The following EBF1 variants were observed in gnomAD, a reference collection of about 807,000 sequenced individuals.
EBF1 encodes the protein EBF transcription factor 1.
In EBF1, 10 loss-of-function variants were observed where a neutral mutation model predicts 68.4. The observed-to-expected ratio is 0.15, with a 90% CI of 0.09 to 0.25. EBF1 has a LOEUF of 0.25. Among genes scored for constraint, EBF1 ranks in the 10% least tolerant of loss-of-function variants. EBF1 has a pLI of 1.00. For synonymous variants in EBF1, 298 were observed against 299.8 expected (o/e 0.99, Z 0.06); for missense variants, 509 against 794.4 (o/e 0.64, Z 4.32).
At position 158,712,144 on chromosome 5, in the gene EBF1, C is replaced by T. The variant is rs1759504080; in HGVS notation, c.1549+10G>A. 1.9e-6 allele frequency: 3 copies of T among 1,613,268 alleles called. No homozygotes were observed. The highest frequency in any genetic ancestry group is 2.5e-6 in the Non-Finnish European group (3 of 1,179,750). On this transcript the variant is annotated intron_variant, in intron 14 of 15. Transcript: ENST00000313708. The stretch of plus-strand genomic sequence containing the variant: ...ACGTGCAGGAACGCAGGATATGCAT[C>T]TCTACTTACTGGCATAGGGGGAGTT...
intron 10 of EBF1, among the ~76,000 whole-genome samples, chr5:158,764,530 A>C (rs1581687356): frequency 6.6e-6 from 1 of 152,330 alleles, no homozygotes; most frequent in Middle Eastern, 3.4e-3. Context: ...CTGTGAATAC[A>C]CTGGTTGAGA....
chr5:158,796,357 C>T lies in EBF1; in HGVS notation c.897G>A (p.Leu299=). Residue 299 remains leucine, a synonymous_variant, in exon 9 of 16, where the codon CTG becomes CTA. Transcript: ENST00000313708. ...AGACAACACCTACCTCACTCCAGAC[C>T]AGCATGGTACCGAATATGACCTGTA... is the stretch of plus-strand genomic sequence containing the variant. ...DGLQVIFGTM[L]VWSELITPHA... 1 of 1,612,138 alleles carries T rather than the reference C, an allele frequency of 6.2e-7. No homozygotes were observed. The highest frequency in any genetic ancestry group is 8.5e-7 in the Non-Finnish European group (1 of 1,178,916).
intron 7 of EBF1, among the ~76,000 whole-genome samples, chr5:158,836,392 A>G (rs1788809339): frequency 6.6e-6 from 1 of 152,178 alleles, no homozygotes; most frequent in Non-Finnish European, 1.5e-5. Context: ...AACAAACAGC[A>G]TCCCTTGTAG....
chr5:158,732,859 A>G (rs1764401544), intron 10 of EBF1, among the ~76,000 whole-genome samples: 1 of 152,200 alleles, frequency 6.6e-6, no homozygotes, highest in African/African-American at 2.4e-5. Context: ...TGCAAATATG[A>G]GATTTAGTTA....
rs371344722 is a variant in EBF1, at chr5:158,955,775, G to A, written c.555-115665C>T. On this transcript the variant is annotated intron_variant, in intron 6 of 15. Transcript: ENST00000313708. ...TATCAAATTACTGCTGGCTGTTTCC[G>A]AAACTCAGATCAACCCTCAAAGAGT... 7.2e-5 allele frequency among the ~76,000 whole-genome samples: 11 copies of A among 152,158 alleles called. 1 individual carries two copies. The highest frequency in any genetic ancestry group is 2.2e-4 in the African/African-American group (9 of 41,516).
At chr5:159,022,418 C>T (rs1021633960) in intron 6 of EBF1, among the ~76,000 whole-genome samples, 2 of 152,166 alleles carry the variant, frequency 1.3e-5, no homozygotes, top group African/African-American at 2.4e-5. Context: ...GGGTAAAGTG[C>T]GCGGGCAGGC....
At chr5:158,808,555 C>T (rs1782012587) in intron 8 of EBF1, among the ~76,000 whole-genome samples, 1 of 152,124 alleles carries the variant, frequency 6.6e-6, no homozygotes, top group African/African-American at 2.4e-5. Flanking sequence ...CATTTACCAG[C>T]TTGGGCAAAT....
intron 6 of EBF1, among the ~76,000 whole-genome samples, chr5:159,048,302 T>TTCTA (rs1398014879): frequency 6.6e-6 from 1 of 152,170 alleles, no homozygotes; most frequent in East Asian, 1.9e-4. Context: ...TACACTCAGC[T>TTCTA]TCTATAACAG....
intron 8 of EBF1, among the ~76,000 whole-genome samples, chr5:158,803,260 C>T (rs1206765683): frequency 1.3e-5 from 2 of 151,668 alleles, no homozygotes; most frequent in East Asian, 1.9e-4. Flanking sequence ...TTGGGAGAAA[C>T]GGAGAGACTA....
chr5:158,728,386 A>G (rs1763427583), intron 11 of EBF1, among the ~76,000 whole-genome samples: 1 of 152,234 alleles, frequency 6.6e-6, no homozygotes, highest in Non-Finnish European at 1.5e-5. Flanking sequence ...CATCAGGGAC[A>G]AAGTGACACG....
At chr5:159,026,799 G>A (rs1584053866) in intron 6 of EBF1, among the ~76,000 whole-genome samples, 1 of 152,066 alleles carries the variant, frequency 6.6e-6, no homozygotes, top group African/African-American at 2.4e-5. Context: ...GACCAATGTC[G>A]CTTTATTTTC....
At chr5:158,948,490 A>T (rs1423325404) in intron 6 of EBF1, among the ~76,000 whole-genome samples, 7 of 152,118 alleles carry the variant, frequency 4.6e-5, no homozygotes, top group Non-Finnish European at 1.0e-4. Context: ...TGGGTGTGTT[A>T]TTTTTATCTA....
intron 6 of EBF1, among the ~76,000 whole-genome samples, chr5:158,888,783 C>T (rs933325348): frequency 6.6e-6 from 1 of 152,086 alleles, no homozygotes; most frequent in Non-Finnish European, 1.5e-5. Context: ...CTCCTCCAGC[C>T]TCTGCCACTC....
intron 11 of EBF1, among the ~76,000 whole-genome samples, chr5:158,721,378 A>T (rs1761902576): frequency 6.6e-6 from 1 of 152,194 alleles, no homozygotes; most frequent in Non-Finnish European, 1.5e-5. Flanking sequence ...TGACTTTTAC[A>T]ATGGAAAGAA....
At chr5:159,077,745 CTTTTTTTTTTTTTT>C (rs58717165) in intron 5 of EBF1, among the ~76,000 whole-genome samples, 1 of 80,618 alleles carries the variant, frequency 1.2e-5, no homozygotes, top group African/African-American at 5.0e-5. Context: ...CAGTGGTTTG[CTTTTTTTTTTTTTT>C]TTTTTTTTGC....
At chr5:158,872,724 T>A (rs538332616) in intron 6 of EBF1, among the ~76,000 whole-genome samples, 2 of 152,242 alleles carry the variant, frequency 1.3e-5, no homozygotes, top group South Asian at 2.1e-4. Context: ...GAAACAATGA[T>A]CTTATTTCAT....
intron 6 of EBF1, among the ~76,000 whole-genome samples, chr5:158,922,250 T>C (rs1011338041): frequency 1.3e-5 from 2 of 152,248 alleles, no homozygotes. Flanking sequence ...TTCTCTTTCC[T>C]AGAATTCTCC....
At chr5:158,881,869 G>A (rs1798974685) in intron 6 of EBF1, among the ~76,000 whole-genome samples, 1 of 152,154 alleles carries the variant, frequency 6.6e-6, no homozygotes, top group Admixed American at 6.5e-5. Context: ...GTGACTTCAG[G>A]CCCTGGGGGC....
intron 10 of EBF1, among the ~76,000 whole-genome samples, chr5:158,745,630 C>T (rs1286680320): frequency 2.6e-5 from 4 of 152,170 alleles, no homozygotes. Flanking sequence ...CTTTCATAAT[C>T]TCATTTGAAT....
Sources: allele counts gnomAD v4.1 joint callset (sites outside exome capture counted in the v4.1 genomes callset), GRCh38; gene constraint gnomAD v4.1.1; transcripts MANE v1.5; gene names NCBI Gene and HGNC (gene_info 2026-07-23, HGNC 2026-07-21).